The following PARD3B variants were observed in gnomAD, a reference collection of about 807,000 sequenced individuals.
The protein encoded by PARD3B is partitioning defective 3 homolog B.
In PARD3B, 103 loss-of-function variants were observed where a neutral mutation model predicts 130.2. The observed-to-expected ratio is 0.79, with a 90% CI of 0.67 to 0.93. PARD3B has a LOEUF of 0.93. Among genes scored for constraint, PARD3B ranks in the 40% least tolerant of loss-of-function variants. The probability of loss-of-function intolerance (pLI) is 0.00; values close to 1 mark genes in which losing one functional copy is unlikely to be tolerated. For missense variants in PARD3B, 1,609 were observed against 1,499.2 expected, an observed-to-expected ratio of 1.07 and a Z score of -1.21; for synonymous variants, 583 against 553.2, an observed-to-expected ratio of 1.05 and a Z score of -0.76.
chr2:205,517,030 T>G (rs1191649526), intron 21 of PARD3B, among the ~76,000 whole-genome samples: 1 of 152,100 alleles, frequency 6.6e-6, no homozygotes, highest in Non-Finnish European at 1.5e-5. Context: ...AATCATGTGG[T>G]TTTTGTCTTT....
chr2:205,472,018 A>G (rs1017348427), intron 20 of PARD3B, among the ~76,000 whole-genome samples: 1 of 152,172 alleles, frequency 6.6e-6, no homozygotes, highest in African/African-American at 2.4e-5. Context: ...GTCTGCACGT[A>G]GTGTGTTTGA....
intron 18 of PARD3B, among the ~76,000 whole-genome samples, chr2:205,342,352 T>C (rs2043574771): frequency 6.6e-6 from 1 of 152,218 alleles, no homozygotes; most frequent in Non-Finnish European, 1.5e-5. Context: ...GAATCAGATG[T>C]CTACTAGAGC....
chr2:204,985,457 T>G (rs1025428694), intron 3 of PARD3B, among the ~76,000 whole-genome samples: 1 of 152,054 alleles, frequency 6.6e-6, no homozygotes, highest in African/African-American at 2.4e-5. Context: ...GGCCATAAGC[T>G]CCAGGAAACA....
chr2:205,462,265 A>G lies in PARD3B; in HGVS notation c.3044+21593A>G, dbSNP rs538391418. 2.6e-5 allele frequency among the ~76,000 whole-genome samples: 4 copies of G among 152,346 alleles called. No homozygotes were observed. In the South Asian group the frequency reaches 8.3e-4, roughly 32 times the overall value. ...AAGTACTTACTTGGATTAAAAGCCA[A>G]ATTGCTAACAGGATTACAAAATGCC... On this transcript the variant is annotated intron_variant, in intron 20 of 22. Coordinates refer to ENST00000406610, the MANE Select transcript of PARD3B (RefSeq NM_001302769.2).
intron 21 of PARD3B, among the ~76,000 whole-genome samples, chr2:205,535,995 G>C (rs183092720): frequency 1.3e-5 from 2 of 152,264 alleles, no homozygotes; most frequent in East Asian, 3.9e-4. Context: ...TAATCAAGGT[G>C]AGCCTAATAA....
chr2:205,308,234 C>T (rs907735736), intron 18 of PARD3B, among the ~76,000 whole-genome samples: 1 of 152,100 alleles, frequency 6.6e-6, no homozygotes, highest in Admixed American at 6.5e-5. Flanking sequence ...GCAACCAAGT[C>T]CTGCTTTAAC....
chr2:205,266,254 C>G (rs151033559), intron 16 of PARD3B, among the ~76,000 whole-genome samples: 1 of 151,988 alleles, frequency 6.6e-6, no homozygotes. Flanking sequence ...CTGTTTAACT[C>G]GACACAGAAA....
At chr2:205,362,407 A>C (rs979088448) in intron 18 of PARD3B, among the ~76,000 whole-genome samples, 4 of 152,146 alleles carry the variant, frequency 2.6e-5, no homozygotes, top group African/African-American at 9.7e-5. Context: ...TATGTGTCTC[A>C]TCTCAATCAG....
chr2:204,950,496 C>T (rs769913398), intron 2 of PARD3B, among the ~76,000 whole-genome samples: 1 of 151,962 alleles, frequency 6.6e-6, no homozygotes, highest in Middle Eastern at 3.4e-3. Flanking sequence ...CGAGGGCGTG[C>T]GGGGTGGGAG....
At chr2:205,007,318 T>C (rs1695349731) in intron 3 of PARD3B, among the ~76,000 whole-genome samples, 1 of 152,212 alleles carries the variant, frequency 6.6e-6, no homozygotes, top group Non-Finnish European at 1.5e-5. Context: ...CAGTTCTTTA[T>C]AGGAGTGTGA....
rs2052593199 is a variant in PARD3B at position 205,550,922 on chromosome 2, TA to T, written c.3181-2401del. Reference sequence around the variant, plus strand: ...TAATCATGTTATAAATACATATAATTATGTGTGTGTGTGTGTGTGTATATAT... The same window carrying T: ...TAATCATGTTATAAATACATATAATTTGTGTGTGTGTGTGTGTGTATATAT... On this transcript the variant is annotated intron_variant, in intron 21 of 22. Transcript: ENST00000406610. The surrounding 1 kb of genome is among the most constrained non-coding windows in gnomAD (Gnocchi z 4.5). Among the ~76,000 whole-genome samples the T allele has an allele frequency of 2.1e-5, 2 of 94,552 alleles. No homozygotes were observed. The highest frequency in any genetic ancestry group is 2.9e-4 in the Admixed American group (2 of 6,870). 62.0% of individuals were successfully genotyped at this position (94,552 alleles called of 152,430 possible).
At chr2:204,863,087 C>T (rs2045276395) in intron 2 of PARD3B, among the ~76,000 whole-genome samples, 1 of 152,168 alleles carries the variant, frequency 6.6e-6, no homozygotes, top group Admixed American at 6.5e-5. Flanking sequence ...TTTTTTCAGC[C>T]TTCAGGCTGT....
chr2:204,558,728 T>G (rs2031101949), intron 1 of PARD3B, among the ~76,000 whole-genome samples: 1 of 152,118 alleles, frequency 6.6e-6, no homozygotes, highest in Non-Finnish European at 1.5e-5. Flanking sequence ...GAGCCCTTAT[T>G]GCCAAGTCAA....
chr2:205,303,048 C>G (rs1392604220), intron 18 of PARD3B, among the ~76,000 whole-genome samples: 1 of 151,988 alleles, frequency 6.6e-6, no homozygotes, highest in Non-Finnish European at 1.5e-5. Context: ...GACATCTCAG[C>G]TTTCTGGCTG....
At chr2:205,385,525 A>G (rs1258383560) in intron 18 of PARD3B, among the ~76,000 whole-genome samples, 2 of 152,158 alleles carry the variant, frequency 1.3e-5, no homozygotes, top group East Asian at 3.8e-4. Flanking sequence ...CCGTATGTTC[A>G]GTATTCTAAA....
intron 16 of PARD3B, among the ~76,000 whole-genome samples, chr2:205,282,882 C>T (rs1467389347): frequency 2.0e-5 from 3 of 152,088 alleles, no homozygotes; most frequent in South Asian, 2.1e-4. Flanking sequence ...CCCAGGTTCC[C>T]AATCAGGTCT....
At chr2:204,934,514 A>G (rs976728989) in intron 2 of PARD3B, among the ~76,000 whole-genome samples, 12 of 152,182 alleles carry the variant, frequency 7.9e-5, no homozygotes, top group South Asian at 6.2e-4. Flanking sequence ...TTACTCAATT[A>G]CACTCAGTGA....
intron 13 of PARD3B, among the ~76,000 whole-genome samples, chr2:205,182,063 C>A (rs7561940): frequency 0.022 from 3,380 of 152,272 alleles, 132 homozygotes; most frequent in African/African-American, 0.077. Context: ...GAGGCCAAGG[C>A]AGGCAGATCA....
intron 11 of PARD3B, among the ~76,000 whole-genome samples, chr2:205,164,911 G>A (rs1486438859): frequency 7.0e-6 from 1 of 143,068 alleles, no homozygotes; most frequent in Non-Finnish European, 1.5e-5. Flanking sequence ...TCTGACCACA[G>A]TATGAACTCT....
Sources: allele counts gnomAD v4.1 joint callset (sites outside exome capture counted in the v4.1 genomes callset), GRCh38; gene constraint gnomAD v4.1.1; non-coding constraint Gnocchi (gnomAD v3.1); transcripts MANE v1.5; gene names NCBI Gene and HGNC (gene_info 2026-07-23, HGNC 2026-07-21).